The following GRHL3 variants were observed in gnomAD, a reference collection of about 807,000 sequenced individuals.
The protein encoded by GRHL3 is grainyhead-like protein 3 homolog.
GRHL3 carries 20 observed loss-of-function variants against 70.3 expected under a neutral mutation model. That is an observed-to-expected ratio of 0.28 (90% CI 0.20 to 0.41). The LOEUF (loss-of-function observed/expected upper bound fraction) is 0.41, where lower values mean the gene tolerates loss of function less well. GRHL3 is among the 10% of genes least tolerant of loss of function. The pLI is 1.00. For missense variants in GRHL3, 637 were observed against 762.3 expected (o/e 0.84, Z 1.94); for synonymous variants, 299 against 299.9 (o/e 1.00, Z 0.03).
intron 1 of GRHL3, among the ~76,000 whole-genome samples, chr1:24,324,252 G>A (rs1639309318): frequency 1.3e-5 from 2 of 152,142 alleles, no homozygotes; most frequent in South Asian, 2.1e-4. Context: ...AATTAGGAAA[G>A]GGCACCTAGA....
Position 24,333,697 on chromosome 1 carries a change from G to A in GRHL3, c.205-948G>A, listed in dbSNP as rs565943548. Among the ~76,000 whole-genome samples the A allele has an allele frequency of 2.0e-5, 3 of 152,190 alleles. No homozygotes were observed. In the South Asian group the frequency reaches 6.2e-4, roughly 32 times the overall value. On this transcript the variant is annotated intron_variant, in intron 2 of 15. Coordinates refer to ENST00000361548, the MANE Select transcript of GRHL3 (RefSeq NM_198173.3). ...CACAGCTAGTATGTGGTAGGTCTAG[G>A]AACTGACCCCAAGAAAGCTGGATTC...
At chr1:24,325,217 A>G (rs937152172) in intron 1 of GRHL3, among the ~76,000 whole-genome samples, 1 of 152,134 alleles carries the variant, frequency 6.6e-6, no homozygotes, top group Admixed American at 6.5e-5. Context: ...GCTGAAGGGA[A>G]GTGGGGTCTA....
At chr1:24,327,219 C>T (rs1639431276) in intron 1 of GRHL3, among the ~76,000 whole-genome samples, 1 of 152,222 alleles carries the variant, frequency 6.6e-6, no homozygotes, top group Admixed American at 6.5e-5. Context: ...CCTATTGACT[C>T]TCCATTATCT....
In GRHL3 at chr1:24,342,622, G is replaced by A; in HGVS notation, c.1207-72G>A. 7.6e-7 allele frequency: 1 copy of A among 1,323,058 alleles called. No homozygotes were observed. 82.0% of individuals were successfully genotyped at this position (1,323,058 alleles called of 1,614,324 possible). A position where few individuals can be genotyped will look rare whatever the true frequency, so the allele number is the denominator to read the frequency against. On this transcript the variant is annotated intron_variant, in intron 9 of 15. Transcript: ENST00000361548. This position sits in a 1 kb window ranked among gnomAD's most constrained non-coding sequence, Gnocchi z 4.8. ...CAGAAGCTTGGCCCATATTTAAGAT[G>A]CAAAGCAGCAGCTGTGAAAGTAGCT...
intron 1 of GRHL3, among the ~76,000 whole-genome samples, chr1:24,326,092 G>A (rs1454545154): frequency 2.6e-5 from 4 of 152,224 alleles, no homozygotes; most frequent in African/African-American, 9.6e-5. Context: ...GGTGATGACA[G>A]ATGTATGAGA....
Position 24,337,710 on chromosome 1 carries a change from A to G in GRHL3, c.761A>G (p.Asn254Ser). ...GGCGAGTCACCCATGGCCTACCTCA[A>G]CAAAGGCCAGTTCTACCCCGTCACC... is the stretch of plus-strand genomic sequence containing the variant. Reference protein sequence around the residue: ...KSGESPMAYLNKGQFYPVTLR... With the variant: ...KSGESPMAYLSKGQFYPVTLR... The change falls in exon 6 of 16, where the codon AAC (asparagine) becomes AGC (serine). Residue 254 changes from asparagine to serine, a missense_variant. By Grantham distance (46) the Asn-to-Ser change is conservative (BLOSUM62 1). Around this residue, in one of 2 missense-constraint regions of GRHL3, gnomAD observed 387 missense variants for 513.8 expected, o/e 0.75. Coordinates refer to ENST00000361548, the MANE Select transcript of GRHL3 (RefSeq NM_198173.3). The G allele has an allele frequency of 6.2e-7, 1 of 1,614,164 alleles. No individual in the cohort carries two copies. The highest frequency in any genetic ancestry group is 8.5e-7 in the Non-Finnish European group (1 of 1,180,024).
rs115273079 is a variant in GRHL3, at chr1:24,338,825, A to G, written c.952+722A>G. ...AGCTTCAGCCCCTATTCTGCCTTTT[A>G]TTAGCTGAGTGACCTTAGCCAAGTA... On this transcript the variant is annotated intron_variant, in intron 7 of 15. Transcript: ENST00000361548. Among the ~76,000 whole-genome samples, 478 of 152,302 alleles carry G rather than the reference A, an allele frequency of 3.1e-3. 1 individual carries two copies. The highest frequency in any genetic ancestry group is 0.011 in the African/African-American group (448 of 41,548).
At chr1:24,340,979 G>T (rs1200494711) in intron 8 of GRHL3, among the ~76,000 whole-genome samples, 1 of 152,136 alleles carries the variant, frequency 6.6e-6, no homozygotes, top group African/African-American at 2.4e-5. Context: ...GGCTGAGGGG[G>T]AGGTATGTCT....
chr1:24,347,243 A>G (rs1198858397), intron 13 of GRHL3, among the ~76,000 whole-genome samples: 2 of 152,226 alleles, frequency 1.3e-5, no homozygotes, highest in East Asian at 3.8e-4. Context: ...CACGTTTGCA[A>G]GGTCACCTGG....
chr1:24,338,945 T>C (rs1004293920), intron 7 of GRHL3, among the ~76,000 whole-genome samples: 4 of 152,244 alleles, frequency 2.6e-5, no homozygotes, highest in African/African-American at 9.6e-5. Context: ...ATATTGTAAG[T>C]GTTGAAGAAA....
In GRHL3 at chr1:24,360,832, T is replaced by C. The variant is rs376548001; in HGVS notation, c.1695-3353T>C. ...CCAGAAGATTTGGTTTTTACAATCA[T>C]TTAAAACAATCCTCTGACCTGGGCC... On this transcript the variant is annotated intron_variant, in intron 15 of 15. Coordinates refer to the GRHL3 transcript ENST00000350501. 2.5e-5 allele frequency: 40 copies of C among 1,591,700 alleles called. No individual in the cohort carries two copies. The African/African-American group carries it at 4.7e-4, about 19-fold the overall frequency.
At chr1:24,320,610 C>T (rs1639143924) in intron 1 of GRHL3, among the ~76,000 whole-genome samples, 1 of 152,204 alleles carries the variant, frequency 6.6e-6, no homozygotes, top group Non-Finnish European at 1.5e-5. Context: ...CCTCAACAGA[C>T]TTTTAAGAAC....
intron 1 of GRHL3, 71 bp downstream of exon 1, chr1:24,319,639 A>T: frequency 6.2e-7 from 1 of 1,612,310 alleles, no homozygotes; most frequent in Non-Finnish European, 8.5e-7. Flanking sequence ...TGGAGGGGGA[A>T]GAGCGGGGAG....
At position 24,336,625 on chromosome 1, in the gene GRHL3, G is replaced by T. The variant is rs751080248; in HGVS notation, c.410G>T (p.Gly137Val). ...AAGAATAACCTGATGAGCTTGGAGG[G>T]GGCCTTGCCCACCCCTGGCAAGGCA... ...LKKNNLMSLEGALPTPGKAAP... is the reference protein window; with the variant it reads ...LKKNNLMSLEVALPTPGKAAP... The change falls in exon 4 of 16, where the codon GGG becomes GTG. Residue 137 changes from glycine (G) to valine (V), a missense_variant. Physicochemically the swap from Gly to Val is moderately radical, Grantham distance 109. Transcript: ENST00000361548. 1.2e-6 allele frequency: 2 copies of T among 1,614,092 alleles called. No individual in the cohort carries two copies. Among genetic ancestry groups the T allele is most frequent in the Admixed American group, 1.7e-5 (1 of 60,020 alleles).
intron 2 of GRHL3, among the ~76,000 whole-genome samples, chr1:24,331,917 C>T (rs1266589970): frequency 6.6e-6 from 1 of 152,202 alleles, no homozygotes; most frequent in African/African-American, 2.4e-5. Flanking sequence ...GCTGTTTACA[C>T]ATTTATTTCT....
chr1:24,348,449 C>T (rs1640379147), intron 14 of GRHL3, among the ~76,000 whole-genome samples: 1 of 152,222 alleles, frequency 6.6e-6, no homozygotes, highest in South Asian at 2.1e-4. Context: ...TCTTTACGCA[C>T]CGTCAGCCCT....
At chr1:24,343,203 G>T (rs1021390033) in intron 11 of GRHL3, 178 bp downstream of exon 11, 19 of 612,040 alleles carry the variant, frequency 3.1e-5, no homozygotes, top group African/African-American at 1.1e-4. Context: ...GTGACCTATT[G>T]TATTGAAGAG....
At chr1:24,348,210 C>G (rs1163403307) in intron 14 of GRHL3, among the ~76,000 whole-genome samples, 1 of 152,224 alleles carries the variant, frequency 6.6e-6, no homozygotes, top group African/African-American at 2.4e-5. Flanking sequence ...CGCTAGCTGA[C>G]CTTTGTTGAA....
At chr1:24,358,439 G>T, downstream of GRHL3, 1 of 985,584 alleles carries the variant, frequency 1.0e-6, no homozygotes, top group Non-Finnish European at 1.6e-6. Context: ...CCCCCAAGTT[G>T]TCAGCTGCCA....
Sources: allele counts gnomAD v4.1 joint callset (sites outside exome capture counted in the v4.1 genomes callset), GRCh38; gene constraint gnomAD v4.1.1; regional missense constraint gnomAD v4.1.1; non-coding constraint Gnocchi (gnomAD v3.1); transcripts MANE v1.5; gene names NCBI Gene and HGNC (gene_info 2026-07-23, HGNC 2026-07-21).